The following TMEM254 variants were observed in gnomAD, a reference collection of about 807,000 sequenced individuals.
TMEM254 encodes transmembrane protein 254, also known as transmembrane protein C10orf57.
TMEM254 carries 16 observed loss-of-function variants against 13.9 expected under a neutral mutation model. The ratio of observed to expected loss-of-function variants is 1.15; its 90% CI spans 0.78 to 1.75. The LOEUF is 1.75. TMEM254 is among the 40% of genes most tolerant of loss of function. The pLI is 0.00. For missense variants in TMEM254, 155 were observed against 149.0 expected, an observed-to-expected ratio of 1.04 and a Z score of -0.21; for synonymous variants, 61 against 56.4, an observed-to-expected ratio of 1.08 and a Z score of -0.36.
At position 80,091,147 on chromosome 10, in the gene TMEM254, A is replaced by T; in HGVS notation, c.*230A>T. ...AACAGAGAAAGATTTTAGCTTTTCAATCCTATTTGGCAGAGGACTTCAGCT... is the reference window on the plus strand; with the variant it reads ...AACAGAGAAAGATTTTAGCTTTTCATTCCTATTTGGCAGAGGACTTCAGCT... On this transcript the variant is annotated 3_prime_UTR_variant, in exon 4 of 4. Coordinates refer to ENST00000372281, the MANE Select transcript of TMEM254 (RefSeq NM_025125.4). The T allele has an allele frequency of 4.5e-6, 2 of 439,780 alleles. No individual in the cohort carries two copies. The highest frequency in any genetic ancestry group is 7.2e-5 in the South Asian group (2 of 27,956). The allele number at this position is 439,780 out of a possible 1,614,324, so 27.2% of individuals were successfully genotyped here.
intron 3 of TMEM254, among the ~76,000 whole-genome samples, chr10:80,088,894 G>C (rs1844445038): frequency 6.6e-6 from 1 of 151,830 alleles, no homozygotes. Flanking sequence ...CACCACACCT[G>C]GCCAACTTTT....
Position 80,082,181 on chromosome 10 carries a change from C to T in TMEM254, c.228C>T (p.Ser76=). Residue 76 remains serine (S), a synonymous_variant, in exon 3 of 4, where the codon TCC becomes TCT. Transcript: ENST00000372281. ...WLAWLIHVGE[S]LYAIVLCKHK... is the part of the protein sequence containing the mutation. ...CCTGGCTGATTCATGTGGGAGAGTC[C>T]TTGTATGCCATAGTATTGTGCAAGT... 6.2e-7 allele frequency: 1 copy of T among 1,614,052 alleles called. No individual in the cohort carries two copies. Among genetic ancestry groups the T allele is most frequent in the Non-Finnish European group, 8.5e-7 (1 of 1,180,026 alleles).
chr10:80,086,545 A>C, intron 3 of TMEM254: 1 of 198,428 alleles, frequency 5.0e-6, no homozygotes, highest in Non-Finnish European at 1.0e-5. Flanking sequence ...AAACTCAGCT[A>C]ATAAAATTGA....
At chr10:80,082,568 T>G (rs1844095559) in intron 3 of TMEM254, among the ~76,000 whole-genome samples, 1 of 152,188 alleles carries the variant, frequency 6.6e-6, no homozygotes, top group African/African-American at 2.4e-5. Context: ...AATCCTCGTT[T>G]TACAATTGAG....
intron 3 of TMEM254, 34 bp from the exon 4 acceptor site, chr10:80,090,763 A>G (rs1844542712): frequency 6.3e-7 from 1 of 1,598,960 alleles, no homozygotes; most frequent in Non-Finnish European, 8.5e-7. Flanking sequence ...TAAGATTAAC[A>G]TCTCGTGTTT....
intron 3 of TMEM254, among the ~76,000 whole-genome samples, chr10:80,084,688 T>C (rs1029706571): frequency 2.0e-5 from 3 of 152,212 alleles, no homozygotes; most frequent in Non-Finnish European, 2.9e-5. Flanking sequence ...CTCTGCAGCA[T>C]CGCAGTAGAA....
chr10:80,087,359 T>G (rs1844365147), intron 3 of TMEM254, among the ~76,000 whole-genome samples: 1 of 152,070 alleles, frequency 6.6e-6, no homozygotes, highest in Non-Finnish European at 1.5e-5. Context: ...ATGAATACTT[T>G]TGGCTGGGTG....
chr10:80,082,306 T>C, intron 3 of TMEM254, 102 bp downstream of exon 3: 2 of 1,386,276 alleles, frequency 1.4e-6, no homozygotes, highest in Non-Finnish European at 1.0e-6. Flanking sequence ...GCTGAGAATA[T>C]TCTCAGGGTA....
At position 80,090,797 on chromosome 10, in the gene TMEM254, G is replaced by A; in HGVS notation, c.252G>A (p.Lys84=). 1 of 1,611,764 alleles carries A rather than the reference G, an allele frequency of 6.2e-7. No homozygotes were observed. The highest frequency in any genetic ancestry group is 8.5e-7 in the Non-Finnish European group (1 of 1,179,492). ...GESLYAIVLC[K]HKGITSGRAQ... is the part of the protein sequence containing the mutation. ...TTAAATTTTGTTTTTTCTGTTTTAG[G>A]CATAAAGGCATCACAAGTGGTCGGG... is the stretch of plus-strand genomic sequence containing the variant. The change falls in exon 4 of 4, where the codon AAG becomes AAA. Residue 84 remains lysine, a splice_region_variant and synonymous_variant. Coordinates refer to ENST00000372281, the MANE Select transcript of TMEM254 (RefSeq NM_025125.4).
At chr10:80,087,441 G>T (rs1044810785) in intron 3 of TMEM254, among the ~76,000 whole-genome samples, 42 of 149,506 alleles carry the variant, frequency 2.8e-4, no homozygotes, top group African/African-American at 1.0e-3. Flanking sequence ...TTAGGAGTGC[G>T]ATACCAGCCT....
chr10:80,079,008 T>C, intron 1 of TMEM254: 2 of 1,532,430 alleles, frequency 1.3e-6, no homozygotes, highest in Non-Finnish European at 1.8e-6. Context: ...AGAAACCGGC[T>C]AGCCAGGCTT....
chr10:80,081,637 C>T (rs1844027576), intron 1 of TMEM254: 1 of 1,520,152 alleles, frequency 6.6e-7, no homozygotes, highest in Non-Finnish European at 8.9e-7. Context: ...CACTGCACTC[C>T]AGCCCCAGCA....
At chr10:80,090,342 G>T in intron 3 of TMEM254, 2 of 717,096 alleles carry the variant, frequency 2.8e-6, no homozygotes, top group South Asian at 3.0e-5. Context: ...CATCTCAACT[G>T]ACTCAGTGAG....
At chr10:80,088,573 A>G (rs1308312778) in intron 3 of TMEM254, among the ~76,000 whole-genome samples, 1 of 148,992 alleles carries the variant, frequency 6.7e-6, no homozygotes, top group East Asian at 2.0e-4. Context: ...GGTTTTACAC[A>G]TTGTTGTTAC....
chr10:80,086,442 T>C (rs890209471), intron 3 of TMEM254: 4 of 371,500 alleles, frequency 1.1e-5, no homozygotes, highest in African/African-American at 8.7e-5. Context: ...TACAGGATCA[T>C]ATAAATTTAC....
rs938900050 is a variant in TMEM254, at chr10:80,091,572, G to T, written c.*655G>T. On this transcript the variant is annotated 3_prime_UTR_variant, in exon 4 of 4. Transcript: ENST00000372281. ...AGTGCCTTCCCTGATGCTGCAGCCG[G>T]AAGTGATCCTTCCCTCCACCTGGCC... is the stretch of plus-strand genomic sequence containing the variant. The T allele has an allele frequency of 2.6e-5, 4 of 152,636 alleles. No homozygotes were observed. Among genetic ancestry groups the T allele is most frequent in the African/African-American group, 9.6e-5 (4 of 41,594 alleles). The allele number at this position is 152,636 out of a possible 1,614,324, so 9.5% of individuals were successfully genotyped here.
chr10:80,082,313 G>A, intron 3 of TMEM254, 109 bp downstream of exon 3: 1 of 1,309,636 alleles, frequency 7.6e-7, no homozygotes. Flanking sequence ...ATATTCTCAG[G>A]GTAGAGCGGA....
In TMEM254 at chr10:80,090,902, C is replaced by T. The variant is rs2132307841; in HGVS notation, c.357C>T (p.Arg119=). 2 of 1,613,438 alleles carry T rather than the reference C, an allele frequency of 1.2e-6. No homozygotes were observed. The highest frequency in any genetic ancestry group is 4.5e-5 in the East Asian group (2 of 44,864). ...TCTTGATTGCTTACAAACGGAAGCG[C>T]CAAAAACAAACTTGAAGTTGTCTGA... ...LTILIAYKRK[R]QKQT is the part of the protein sequence containing the mutation. Residue 119 remains arginine, a synonymous_variant, in exon 4 of 4, where the codon CGC becomes CGT. Transcript: ENST00000372281.
intron 1 of TMEM254, chr10:80,079,837 A>G (rs1843881091): frequency 2.5e-6 from 1 of 392,772 alleles, no homozygotes; most frequent in Non-Finnish European, 3.5e-6. Context: ...CTTTACCTGT[A>G]GCTGGGATTA....
Sources: allele counts gnomAD v4.1 joint callset (sites outside exome capture counted in the v4.1 genomes callset), GRCh38; gene constraint gnomAD v4.1.1; transcripts MANE v1.5; gene names NCBI Gene and HGNC (gene_info 2026-07-23, HGNC 2026-07-21).